The following CCSER1 variants were observed in gnomAD, a reference collection of about 807,000 sequenced individuals.
The protein encoded by CCSER1 is serine-rich coiled-coil domain-containing protein 1.
CCSER1 carries 41 observed loss-of-function variants against 82.0 expected under a neutral mutation model. The ratio of observed to expected loss-of-function variants is 0.50; its 90% CI spans 0.39 to 0.65. CCSER1 has a LOEUF of 0.65. Ranked by LOEUF, CCSER1 falls within the 30% of genes least tolerant of loss-of-function variation. The pLI is 0.00. For missense variants in CCSER1, 1,119 were observed against 1,064.2 expected (o/e 1.05, Z -0.72); for synonymous variants, 414 against 383.9 (o/e 1.08, Z -0.92).
intron 10 of CCSER1, among the ~76,000 whole-genome samples, chr4:91,284,723 C>T (rs937082848): frequency 6.6e-6 from 1 of 152,088 alleles, no homozygotes; most frequent in African/African-American, 2.4e-5. Flanking sequence ...ACCCATGTGA[C>T]TCTAATTGTC....
chr4:90,654,437 T>C (rs963585817), intron 6 of CCSER1, among the ~76,000 whole-genome samples: 2 of 152,156 alleles, frequency 1.3e-5, no homozygotes, highest in Non-Finnish European at 1.5e-5. Flanking sequence ...CTAATTCTTA[T>C]AGTTTTAATT....
chr4:91,130,252 A>T (rs1053333113), intron 10 of CCSER1, among the ~76,000 whole-genome samples: 16 of 151,804 alleles, frequency 1.1e-4, no homozygotes, highest in Non-Finnish European at 1.9e-4. Flanking sequence ...TTTATATATT[A>T]TTTTAAAAAC....
chr4:91,172,914 C>A (rs949023578), intron 10 of CCSER1, among the ~76,000 whole-genome samples: 1 of 151,780 alleles, frequency 6.6e-6, no homozygotes. Context: ...ATTTAAAATA[C>A]AAAAGTGGAA....
chr4:90,365,111 G>A (rs78435882), intron 3 of CCSER1, among the ~76,000 whole-genome samples: 1 of 151,582 alleles, frequency 6.6e-6, no homozygotes, highest in East Asian at 1.9e-4. Flanking sequence ...TTTTTGAGGG[G>A]AAAAAGATAA....
intron 3 of CCSER1, among the ~76,000 whole-genome samples, chr4:90,388,498 C>T (rs1323505983): frequency 1.3e-5 from 2 of 152,042 alleles, no homozygotes; most frequent in African/African-American, 2.4e-5. Flanking sequence ...TTAGTAGAGA[C>T]GGGGTTTCAC....
At chr4:91,037,225 A>G (rs368778360) in intron 9 of CCSER1, among the ~76,000 whole-genome samples, 1 of 132,070 alleles carries the variant, frequency 7.6e-6, no homozygotes, top group African/African-American at 2.9e-5. Context: ...GTGTCTTTCT[A>G]TCTCTGTCAC....
intron 9 of CCSER1, among the ~76,000 whole-genome samples, chr4:91,030,162 A>G (rs1156361313): frequency 3.3e-5 from 5 of 152,126 alleles, no homozygotes; most frequent in Non-Finnish European, 1.5e-5. Flanking sequence ...AAATTGCAGA[A>G]TTGGGAATTA....
At chr4:91,314,339 A>C (rs1396574387) in intron 10 of CCSER1, among the ~76,000 whole-genome samples, 1 of 151,832 alleles carries the variant, frequency 6.6e-6, no homozygotes, top group Non-Finnish European at 1.5e-5. Flanking sequence ...CATACTTTGC[A>C]CTGTTCTTCT....
At chr4:90,434,338 C>T (rs1333655775) in intron 4 of CCSER1, among the ~76,000 whole-genome samples, 2 of 152,012 alleles carry the variant, frequency 1.3e-5, no homozygotes, top group Non-Finnish European at 2.9e-5. Flanking sequence ...AATAATTCTA[C>T]CCTGCCCTGT....
intron 10 of CCSER1, among the ~76,000 whole-genome samples, chr4:91,142,214 A>G (rs549059477): frequency 6.6e-6 from 1 of 152,244 alleles, no homozygotes; most frequent in East Asian, 1.9e-4. Flanking sequence ...TAAGTGTCAC[A>G]AGATCTCATG....
intron 10 of CCSER1, among the ~76,000 whole-genome samples, chr4:91,187,556 A>AT (rs1317837288): frequency 1.4e-5 from 2 of 141,594 alleles, no homozygotes; most frequent in Admixed American, 7.0e-5. Context: ...TTTTTTTTTA[A>AT]TTTTTTATTT....
intron 4 of CCSER1, among the ~76,000 whole-genome samples, chr4:90,419,715 T>C (rs760252303): frequency 6.6e-6 from 1 of 151,912 alleles, no homozygotes; most frequent in Non-Finnish European, 1.5e-5. Flanking sequence ...AAAACTATTA[T>C]TGTAGTTCTT....
At chr4:90,820,253 A>G (rs564040000) in intron 8 of CCSER1, among the ~76,000 whole-genome samples, 10 of 152,326 alleles carry the variant, frequency 6.6e-5, no homozygotes, top group South Asian at 2.1e-4. Context: ...GGTTTCTTCA[A>G]CTGTCAAATA....
intron 5 of CCSER1, among the ~76,000 whole-genome samples, chr4:90,604,703 T>A (rs1313326349): frequency 1.3e-5 from 2 of 152,166 alleles, no homozygotes; most frequent in African/African-American, 2.4e-5. Context: ...CAGCACTTCG[T>A]GTCTAGCTCA....
intron 10 of CCSER1, among the ~76,000 whole-genome samples, chr4:91,496,849 A>G (rs1758939406): frequency 8.5e-6 from 1 of 117,878 alleles, no homozygotes; most frequent in South Asian, 2.6e-4. Flanking sequence ...ATATATATAT[A>G]TTCAAATATA....
intron 10 of CCSER1, among the ~76,000 whole-genome samples, chr4:91,363,194 A>C (rs1749366505): frequency 6.6e-6 from 1 of 151,816 alleles, no homozygotes; most frequent in Non-Finnish European, 1.5e-5. Flanking sequence ...TGTCATCTGG[A>C]CCCCATATTT....
At chr4:91,104,015 G>C (rs1302490534) in intron 10 of CCSER1, among the ~76,000 whole-genome samples, 1 of 152,038 alleles carries the variant, frequency 6.6e-6, no homozygotes, top group African/African-American at 2.4e-5. Context: ...CGGCCGCTCT[G>C]GGAATGTCTG....
intron 10 of CCSER1, among the ~76,000 whole-genome samples, chr4:91,268,603 C>A (rs932428745): frequency 1.3e-5 from 2 of 152,072 alleles, no homozygotes; most frequent in African/African-American, 4.8e-5. Context: ...AGCAACAAGG[C>A]TGTTTATTTC....
chr4:90,595,001 A>G (rs563548469), intron 5 of CCSER1, among the ~76,000 whole-genome samples: 1 of 152,120 alleles, frequency 6.6e-6, no homozygotes, highest in South Asian at 2.1e-4. Flanking sequence ...ATATATTTTT[A>G]TACTTTAAGT....
Sources: gnomAD v4.1 joint callset for allele counts (sites outside exome capture counted in the v4.1 genomes callset) on GRCh38, gnomAD v4.1.1 for gene constraint, MANE v1.5 for transcripts, NCBI Gene and HGNC (gene_info 2026-07-23, HGNC 2026-07-21) for gene names.